CARNMT1: variants seen among roughly 807,000 people sequenced by gnomAD.
CARNMT1 encodes carnosine N-methyltransferase 1.
Under a neutral mutation model 49.6 loss-of-function variants are expected in CARNMT1, and 28 were observed. The observed-to-expected ratio is 0.56, with a 90% confidence interval of 0.42 to 0.77. The LOEUF (loss-of-function observed/expected upper bound fraction) is 0.77. Among genes scored for constraint, CARNMT1 ranks in the 30% least tolerant of loss-of-function variants. The pLI is 0.00. For synonymous variants in CARNMT1, 178 were observed against 175.0 expected (o/e 1.02, Z -0.13); for missense variants, 421 against 512.6 (o/e 0.82, Z 1.73).
intron 3 of CARNMT1, among the ~76,000 whole-genome samples, chr9:75,012,518 C>T (rs1833723687): frequency 6.6e-6 from 1 of 152,012 alleles, no homozygotes; most frequent in Admixed American, 6.6e-5. Context: ...AACTCTTGAC[C>T]TCAAGTGATC....
At chr9:75,008,581 CA>C (rs1467241718) in intron 3 of CARNMT1, among the ~76,000 whole-genome samples, 1 of 152,180 alleles carries the variant, frequency 6.6e-6, no homozygotes, top group Non-Finnish European at 1.5e-5. Flanking sequence ...GCTGGGATTA[CA>C]GGCATGAGCC....
intron 3 of CARNMT1, chr9:75,009,788 C>T (rs1233518003): frequency 6.6e-6 from 1 of 151,958 alleles, no homozygotes; most frequent in Non-Finnish European, 1.5e-5. Flanking sequence ...CATACAATGC[C>T]TGGCATTCAA....
At chr9:75,014,917 T>C (rs1434798001) in intron 3 of CARNMT1, among the ~76,000 whole-genome samples, 1 of 152,134 alleles carries the variant, frequency 6.6e-6, no homozygotes, top group Non-Finnish European at 1.5e-5. Context: ...CACATATGTA[T>C]TGAAATTTCT....
At chr9:75,011,310 A>G (rs1011691408) in intron 3 of CARNMT1, among the ~76,000 whole-genome samples, 3 of 152,102 alleles carry the variant, frequency 2.0e-5, no homozygotes, top group Non-Finnish European at 4.4e-5. Flanking sequence ...CCTGGTCCCC[A>G]TGTCTTGTTT....
chr9:75,004,986 C>A (rs1833460120), intron 3 of CARNMT1, among the ~76,000 whole-genome samples: 2 of 152,126 alleles, frequency 1.3e-5, no homozygotes, highest in African/African-American at 4.8e-5. Flanking sequence ...ACTTAAGAAT[C>A]TATATTTCCT....
At chr9:75,009,570 A>G (rs964122493) in intron 3 of CARNMT1, among the ~76,000 whole-genome samples, 1 of 152,352 alleles carries the variant, frequency 6.6e-6, no homozygotes, top group East Asian at 1.9e-4. Context: ...CTATATTGCC[A>G]TATTTCTAGA....
intron 5 of CARNMT1, among the ~76,000 whole-genome samples, chr9:74,997,902 C>T (rs1014871603): frequency 2.6e-5 from 4 of 152,092 alleles, no homozygotes; most frequent in Admixed American, 2.6e-4. Context: ...ATACCTAGTA[C>T]TTAGTAGGTG....
At chr9:74,985,298 A>G (rs1832800018) in intron 6 of CARNMT1, among the ~76,000 whole-genome samples, 1 of 152,222 alleles carries the variant, frequency 6.6e-6, no homozygotes, top group African/African-American at 2.4e-5. Context: ...GAATCAGAGA[A>G]TGCTAAGTCC....
chr9:75,016,304 A>G lies in CARNMT1; in HGVS notation c.554T>C (p.Ile185Thr). Residue 185 changes from isoleucine (I) to threonine (T), a missense_variant, in exon 3 of 8, where the codon ATT (isoleucine) becomes ACT (threonine). Transcript: ENST00000376834. Reference sequence around the variant, plus strand: ...TGGAAAATTTTTTAAAATTTCTTTAATGATTGGCTGGTAACAGGCATCCCT... The same window carrying G: ...TGGAAAATTTTTTAAAATTTCTTTAGTGATTGGCTGGTAACAGGCATCCCT... ...AERDACYQPIIKEILKNFPKE... is the reference protein window; with the variant it reads ...AERDACYQPITKEILKNFPKE... The G allele has an allele frequency of 5.0e-6, 8 of 1,613,472 alleles. No homozygotes were observed. The highest frequency in any genetic ancestry group is 6.8e-6 in the Non-Finnish European group (8 of 1,179,892).
At chr9:75,011,542 A>G (rs1833690832) in intron 3 of CARNMT1, among the ~76,000 whole-genome samples, 1 of 152,108 alleles carries the variant, frequency 6.6e-6, no homozygotes, top group African/African-American at 2.4e-5. Context: ...TAATATTCAA[A>G]TTTTTAGTAG....
intron 1 of CARNMT1, among the ~76,000 whole-genome samples, chr9:75,020,415 G>A (rs939432241): frequency 2.6e-5 from 4 of 151,404 alleles, no homozygotes; most frequent in East Asian, 1.9e-4. Context: ...CTACAGGTGC[G>A]CGCCACCATG....
At chr9:75,013,129 C>CA (rs1833750726) in intron 3 of CARNMT1, among the ~76,000 whole-genome samples, 1 of 152,056 alleles carries the variant, frequency 6.6e-6, no homozygotes, top group Non-Finnish European at 1.5e-5. Flanking sequence ...CCTATAATTG[C>CA]AGCAGAAAAA....
At chr9:75,005,490 T>G (rs1315206636) in intron 3 of CARNMT1, among the ~76,000 whole-genome samples, 1 of 151,688 alleles carries the variant, frequency 6.6e-6, no homozygotes, top group Non-Finnish European at 1.5e-5. Flanking sequence ...TTTTTTTTTT[T>G]TTGAGACGGA....
chr9:75,015,168 C>A (rs1457753970), intron 3 of CARNMT1, among the ~76,000 whole-genome samples: 1 of 152,168 alleles, frequency 6.6e-6, no homozygotes, highest in Non-Finnish European at 1.5e-5. Context: ...GAAAAAATTA[C>A]ATTTTAATTT....
At chr9:75,005,475 C>CT (rs57445834) in intron 3 of CARNMT1, among the ~76,000 whole-genome samples, 163 of 132,114 alleles carry the variant, frequency 1.2e-3, no homozygotes, top group African/African-American at 1.4e-3. Flanking sequence ...AGTATATGAT[C>CT]TTTTTTTTTT....
intron 6 of CARNMT1, among the ~76,000 whole-genome samples, chr9:74,994,689 G>GT (rs1376492605): frequency 6.6e-6 from 1 of 152,040 alleles, no homozygotes; most frequent in Non-Finnish European, 1.5e-5. Flanking sequence ...CCAGAACACA[G>GT]TAACATTTAA....
At chr9:75,004,218 C>T (rs1833441157) in intron 3 of CARNMT1, among the ~76,000 whole-genome samples, 1 of 152,250 alleles carries the variant, frequency 6.6e-6, no homozygotes, top group Non-Finnish European at 1.5e-5. Flanking sequence ...CATTGTTCTA[C>T]ATAATTTTTT....
intron 1 of CARNMT1, among the ~76,000 whole-genome samples, chr9:75,025,449 G>C (rs1822496440): frequency 6.6e-6 from 1 of 152,108 alleles, no homozygotes; most frequent in African/African-American, 2.4e-5. Flanking sequence ...ATCTTTGCTT[G>C]TTTACATTTA....
intron 3 of CARNMT1, among the ~76,000 whole-genome samples, chr9:75,001,134 T>C (rs1388889381): frequency 6.6e-6 from 1 of 152,196 alleles, no homozygotes. Flanking sequence ...AATTTTTTTT[T>C]TAATTATCTG....
Sources: allele counts gnomAD v4.1 joint callset (sites outside exome capture counted in the v4.1 genomes callset), GRCh38; gene constraint gnomAD v4.1.1; transcripts MANE v1.5; gene names NCBI Gene and HGNC (gene_info 2026-07-23, HGNC 2026-07-21).